Variants in GCNT1 observed in about 807,000 individuals in gnomAD.
The protein encoded by GCNT1 is beta-1,3-galactosyl-O-glycosyl-glycoprotein beta-1,6-N-acetylglucosaminyltransferase.
In GCNT1, 16 loss-of-function variants were observed where a neutral mutation model predicts 26.2. The ratio of observed to expected loss-of-function variants is 0.61; its 90% CI spans 0.41 to 0.93. The LOEUF is 0.93. Ranked by LOEUF, GCNT1 falls within the 40% of genes least tolerant of loss-of-function variation. GCNT1 has a pLI of 0.00. For missense variants in GCNT1, 477 were observed against 526.7 expected, an observed-to-expected ratio of 0.91 and a Z score of 0.92; for synonymous variants, 183 against 190.8, an observed-to-expected ratio of 0.96 and a Z score of 0.34.
intron 2 of GCNT1, among the ~76,000 whole-genome samples, chr9:76,489,651 C>G (rs1157937490): frequency 6.6e-6 from 1 of 152,134 alleles, no homozygotes; most frequent in Non-Finnish European, 1.5e-5. Context: ...AGACACAGAG[C>G]ACTGATGGGT....
At chr9:76,432,837 A>G (rs1199144755) in intron 1 of GCNT1, among the ~76,000 whole-genome samples, 4 of 151,900 alleles carry the variant, frequency 2.6e-5, no homozygotes, top group African/African-American at 9.7e-5. Flanking sequence ...CCTTTGATTG[A>G]TCCTCACCCT....
At chr9:76,394,372 G>T in the GCNT1 span, 1 of 502,996 alleles carries the variant, frequency 2.0e-6, no homozygotes. Flanking sequence ...AATACCGCCG[G>T]GCGCCTGAGG....
chr9:76,467,105 C>T lies in GCNT1; in HGVS notation c.-290+6928C>T, dbSNP rs181831775. ...TTGCCCAGGCTGGAGTGCAGTGGCA[C>T]GATCTCAGCTCACTGCAACCTACGC... On this transcript the variant is annotated intron_variant, in intron 2 of 3. Coordinates refer to ENST00000376730, the MANE Select transcript of GCNT1 (RefSeq NM_001490.5). Among the ~76,000 whole-genome samples the T allele has an allele frequency of 9.2e-3, 1,394 of 151,904 alleles. 16 individuals carry two copies. Among genetic ancestry groups the T allele is most frequent in the African/African-American group, 0.032 (1,307 of 41,394 alleles).
At chr9:76,414,464 G>A in the GCNT1 span, among the ~76,000 whole-genome samples, 1 of 152,144 alleles carries the variant, frequency 6.6e-6, no homozygotes, top group Non-Finnish European at 1.5e-5. Flanking sequence ...TAAAAAGCAA[G>A]TTTATAGAGA....
At chr9:76,454,469 G>A (rs1239041928), upstream of GCNT1, among the ~76,000 whole-genome samples, 1 of 151,314 alleles carries the variant, frequency 6.6e-6, no homozygotes, top group Non-Finnish European at 1.5e-5. Flanking sequence ...AACTGATCAG[G>A]ACAGAGTTTC....
intron 2 of GCNT1, among the ~76,000 whole-genome samples, chr9:76,470,255 C>T (rs1227222784): frequency 1.1e-4 from 17 of 152,036 alleles, no homozygotes; most frequent in Admixed American, 7.2e-4. Context: ...GCCTCTTTCT[C>T]GTGATATACC....
chr9:76,395,440 G>C, the GCNT1 span, among the ~76,000 whole-genome samples: 6 of 152,004 alleles, frequency 3.9e-5, no homozygotes, highest in African/African-American at 1.2e-4. Flanking sequence ...TTATGTTCTA[G>C]GCCAGGCTTG....
At chr9:76,495,970 G>T (rs1824898011) in intron 2 of GCNT1, among the ~76,000 whole-genome samples, 1 of 152,078 alleles carries the variant, frequency 6.6e-6, no homozygotes, top group Non-Finnish European at 1.5e-5. Flanking sequence ...CTGTTTGGGG[G>T]TCTCCCAGTT....
At chr9:76,425,644 A>T (rs1823250482) in intron 1 of GCNT1, among the ~76,000 whole-genome samples, 1 of 152,222 alleles carries the variant, frequency 6.6e-6, no homozygotes, top group East Asian at 1.9e-4. Flanking sequence ...AGAGAGGGGA[A>T]TTGTAACACA....
chr9:76,426,557 G>C (rs964262626), intron 1 of GCNT1, among the ~76,000 whole-genome samples: 2 of 151,874 alleles, frequency 1.3e-5, no homozygotes, highest in African/African-American at 2.4e-5. Context: ...GACAGAGAGA[G>C]ATCGTGTCTC....
At chr9:76,450,658 T>C (rs1367927927) in intron 1 of GCNT1, among the ~76,000 whole-genome samples, 1 of 152,250 alleles carries the variant, frequency 6.6e-6, no homozygotes, top group African/African-American at 2.4e-5. Context: ...CCTATTGAAA[T>C]TGAGCATCTT....
At chr9:76,400,817 G>C in the GCNT1 span, among the ~76,000 whole-genome samples, 1 of 152,280 alleles carries the variant, frequency 6.6e-6, no homozygotes, top group Admixed American at 6.5e-5. Flanking sequence ...GAAGAGGAAA[G>C]AAAAATGTCT....
intron 2 of GCNT1, among the ~76,000 whole-genome samples, chr9:76,465,742 G>A (rs1457679845): frequency 6.6e-6 from 1 of 152,220 alleles, no homozygotes; most frequent in Non-Finnish European, 1.5e-5. Context: ...TTAATGACAG[G>A]TGAGGATTGA....
chr9:76,457,080 C>A (rs1414105533), upstream of GCNT1, among the ~76,000 whole-genome samples: 1 of 152,066 alleles, frequency 6.6e-6, no homozygotes, highest in Non-Finnish European at 1.5e-5. Flanking sequence ...TGGCCACCAC[C>A]CCTGGTTAAT....
chr9:76,463,057 C>T (rs550747311), intron 2 of GCNT1, among the ~76,000 whole-genome samples: 1 of 152,206 alleles, frequency 6.6e-6, no homozygotes, highest in East Asian at 1.9e-4. Flanking sequence ...TCAAAGGGAG[C>T]GCTACATAAT....
intron 2 of GCNT1, among the ~76,000 whole-genome samples, chr9:76,492,238 A>G (rs1824761043): frequency 6.6e-6 from 1 of 152,170 alleles, no homozygotes. Flanking sequence ...GCAGCGGACA[A>G]CAAATGGGTA....
chr9:76,418,030 T>C (rs1174875679), upstream of GCNT1, among the ~76,000 whole-genome samples: 2 of 152,122 alleles, frequency 1.3e-5, no homozygotes, highest in Admixed American at 1.3e-4. Flanking sequence ...CCCAAGGTGG[T>C]CGGGGTACAG....
chr9:76,498,226 A>T (rs540084185), intron 2 of GCNT1, among the ~76,000 whole-genome samples: 1 of 152,236 alleles, frequency 6.6e-6, no homozygotes, highest in East Asian at 1.9e-4. Flanking sequence ...TCTTCAGTTC[A>T]CGGTCATTTG....
chr9:76,419,400 T>G (rs1823162342), upstream of GCNT1, among the ~76,000 whole-genome samples: 1 of 152,210 alleles, frequency 6.6e-6, no homozygotes, highest in South Asian at 2.1e-4. Context: ...CTGGGCGTAG[T>G]GGGTCATGTT....
Sources: allele counts gnomAD v4.1 joint callset (sites outside exome capture counted in the v4.1 genomes callset), GRCh38; gene constraint gnomAD v4.1.1; transcripts MANE v1.5; gene names NCBI Gene and HGNC (gene_info 2026-07-23, HGNC 2026-07-21).